Variants in RBFOX1 observed in about 807,000 individuals in gnomAD.
RBFOX1 encodes the protein RNA binding fox-1 homolog 1, also known as RNA binding protein fox-1 homolog 1.
A neutral mutation model predicts 57.7 loss-of-function variants in RBFOX1; 8 were observed. The observed-to-expected ratio is 0.14, with a 90% CI of 0.08 to 0.25. The LOEUF is 0.25. RBFOX1 is among the 10% of genes least tolerant of loss of function. The probability of loss-of-function intolerance (pLI) is 1.00; values close to 1 mark genes in which losing one functional copy is unlikely to be tolerated. For synonymous variants in RBFOX1, 326 were observed against 222.4 expected (o/e 1.47, Z -4.15); for missense variants, 611 against 548.5 (o/e 1.11, Z -1.14).
chr16:5,822,191 C>G (rs909062311), intron 3 of RBFOX1, among the ~76,000 whole-genome samples: 3 of 152,072 alleles, frequency 2.0e-5, no homozygotes, highest in African/African-American at 7.2e-5. Context: ...GAATGAAAAA[C>G]CAAACATCTT....
intron 4 of RBFOX1, among the ~76,000 whole-genome samples, chr16:7,265,967 T>G (rs1160499147): frequency 7.6e-6 from 1 of 131,470 alleles, no homozygotes; most frequent in African/African-American, 3.0e-5. Context: ...GGTTTTTGTT[T>G]TTTTTTTTTT....
At chr16:6,858,046 A>T (rs984311820) in intron 3 of RBFOX1, among the ~76,000 whole-genome samples, 1 of 152,212 alleles carries the variant, frequency 6.6e-6, no homozygotes, top group East Asian at 1.9e-4. Context: ...ACAAATGTTC[A>T]TCCCAAGAAT....
intron 2 of RBFOX1, among the ~76,000 whole-genome samples, chr16:6,446,017 C>T (rs371496919): frequency 3.2e-4 from 48 of 151,962 alleles, no homozygotes; most frequent in South Asian, 4.2e-4. Context: ...CAGACTGGAG[C>T]GCACTGGCGT....
At chr16:6,623,547 A>G (rs1350477804) in intron 2 of RBFOX1, among the ~76,000 whole-genome samples, 2 of 151,238 alleles carry the variant, frequency 1.3e-5, no homozygotes, top group Non-Finnish European at 2.9e-5. Context: ...GCACTCATTA[A>G]CTCGTCATTT....
intron 3 of RBFOX1, among the ~76,000 whole-genome samples, chr16:7,048,693 C>T (rs1452269617): frequency 2.0e-5 from 3 of 151,898 alleles, no homozygotes; most frequent in Admixed American, 6.6e-5. Flanking sequence ...TTGATAATTC[C>T]AACATCTTTG....
chr16:5,463,501 T>C (rs543575461), intron 1 of RBFOX1, among the ~76,000 whole-genome samples: 1 of 152,240 alleles, frequency 6.6e-6, no homozygotes, highest in East Asian at 1.9e-4. Flanking sequence ...TAAAAGTGTT[T>C]TAAACCAGTT....
At chr16:6,686,812 T>C (rs1451536715) in intron 3 of RBFOX1, among the ~76,000 whole-genome samples, 1 of 152,200 alleles carries the variant, frequency 6.6e-6, no homozygotes, top group Non-Finnish European at 1.5e-5. Flanking sequence ...AACCCACAGA[T>C]TGCACGTCCT....
chr16:7,080,228 G>C (rs1186560750), intron 4 of RBFOX1, among the ~76,000 whole-genome samples: 7 of 151,900 alleles, frequency 4.6e-5, no homozygotes, highest in Admixed American at 1.3e-4. Context: ...GGGTTGAACT[G>C]ACCTCTGATT....
Position 5,298,336 on chromosome 16 carries a change from A to G in RBFOX1, c.219+58231A>G, listed in dbSNP as rs554735938. Among the ~76,000 whole-genome samples, 3 of 152,290 alleles carry G rather than the reference A, an allele frequency of 2.0e-5. No individual in the cohort carries two copies. In the East Asian group the frequency reaches 5.8e-4, roughly 29 times the overall value. ...AGACTGTATTTAATTTTGAAGTAATAGTAAGATTAAATCTTGGGAGAGTGT... is the reference window on the plus strand; with the variant it reads ...AGACTGTATTTAATTTTGAAGTAATGGTAAGATTAAATCTTGGGAGAGTGT... On this transcript the variant is annotated intron_variant, in intron 1 of 2. Transcript: ENST00000585867.
intron 3 of RBFOX1, among the ~76,000 whole-genome samples, chr16:5,629,556 G>A (rs2048440595): frequency 6.6e-6 from 1 of 152,206 alleles, no homozygotes; most frequent in Non-Finnish European, 1.5e-5. Flanking sequence ...TCTAATGTCA[G>A]AATAATACCT....
At chr16:5,406,169 A>G (rs757725552) in intron 1 of RBFOX1, among the ~76,000 whole-genome samples, 27 of 152,070 alleles carry the variant, frequency 1.8e-4, no homozygotes, top group Non-Finnish European at 3.2e-4. Flanking sequence ...TGTCAACTTG[A>G]CTGGGATACA....
chr16:5,416,975 G>T (rs965983513), intron 1 of RBFOX1, among the ~76,000 whole-genome samples: 14 of 152,176 alleles, frequency 9.2e-5, no homozygotes, highest in African/African-American at 3.1e-4. Context: ...AAGTTCTTCT[G>T]TGTAAAACCC....
intron 3 of RBFOX1, among the ~76,000 whole-genome samples, chr16:5,651,040 C>CTTGTTTTTTTT (rs2049219365): frequency 1.8e-5 from 1 of 56,854 alleles, no homozygotes; most frequent in Admixed American, 3.6e-4. Flanking sequence ...CTACCTCCTT[C>CTTGTTTTTTTT]TTTTTTTTTT....
At chr16:6,347,921 T>G (rs1051582839) in intron 2 of RBFOX1, among the ~76,000 whole-genome samples, 3 of 152,182 alleles carry the variant, frequency 2.0e-5, no homozygotes, top group Non-Finnish European at 4.4e-5. Flanking sequence ...ATACAGAAAC[T>G]GGTGAGAAGA....
At chr16:5,676,586 TGTG>T (rs1171112263) in intron 3 of RBFOX1, among the ~76,000 whole-genome samples, 28 of 152,098 alleles carry the variant, frequency 1.8e-4, no homozygotes, top group Non-Finnish European at 3.2e-4. Context: ...ACATGCTGGG[TGTG>T]GTGGCTCATA....
intron 3 of RBFOX1, among the ~76,000 whole-genome samples, chr16:6,990,304 C>T (rs1396174847): frequency 6.6e-6 from 1 of 151,976 alleles, no homozygotes; most frequent in Admixed American, 6.6e-5. Context: ...GCGGGTGGGT[C>T]ACCTGAGGTC....
intron 1 of RBFOX1, among the ~76,000 whole-genome samples, chr16:5,291,543 C>T (rs986799665): frequency 1.6e-4 from 24 of 152,140 alleles, no homozygotes; most frequent in African/African-American, 4.6e-4. Context: ...GGATTACAGG[C>T]ATGTGTCACG....
At chr16:7,116,762 G>A (rs935932988) in intron 4 of RBFOX1, among the ~76,000 whole-genome samples, 1 of 152,130 alleles carries the variant, frequency 6.6e-6, no homozygotes, top group Admixed American at 6.5e-5. Context: ...TTGGATGACA[G>A]GTATTGACCA....
chr16:5,979,044 A>G (rs193195129), intron 4 of RBFOX1, among the ~76,000 whole-genome samples: 38 of 152,352 alleles, frequency 2.5e-4, no homozygotes, highest in Non-Finnish European at 4.3e-4. Context: ...CCATTTTTGC[A>G]GAACCATGGA....
Sources: gnomAD v4.1 joint callset for allele counts (sites outside exome capture counted in the v4.1 genomes callset) on GRCh38, gnomAD v4.1.1 for gene constraint, MANE v1.5 for transcripts, NCBI Gene and HGNC (gene_info 2026-07-23, HGNC 2026-07-21) for gene names.